Variants in APOB observed in about 807,000 individuals in gnomAD.
The protein encoded by APOB is apolipoprotein B.
A neutral mutation model predicts 314.1 loss-of-function variants in APOB; 153 were observed. The ratio of observed to expected loss-of-function variants is 0.49; its 90% CI spans 0.43 to 0.56. The LOEUF (loss-of-function observed/expected upper bound fraction) is 0.56. Ranked by LOEUF, APOB falls within the 20% of genes least tolerant of loss-of-function variation. The pLI is 0.00. For missense variants in APOB, 5,430 were observed against 5,350.7 expected, an observed-to-expected ratio of 1.01 and a Z score of -0.46; for synonymous variants, 2,087 against 2,036.4, an observed-to-expected ratio of 1.02 and a Z score of -0.67.
chr2:21,043,425 C>A, intron 2 of APOB, 88 bp downstream of exon 2: 1 of 1,462,926 alleles, frequency 6.8e-7, no homozygotes, highest in African/African-American at 1.4e-5. Flanking sequence ...CATCTCAGCC[C>A]TGTAGAGTGG....
rs1663332510 is a variant in APOB, at chr2:21,011,869, G to A, written c.4999C>T (p.Leu1667=). The A allele has an allele frequency of 6.2e-7, 1 of 1,613,820 alleles. No individual in the cohort carries two copies. Among genetic ancestry groups the A allele is most frequent in the Non-Finnish European group, 8.5e-7 (1 of 1,179,974 alleles). The stretch of plus-strand genomic sequence containing the variant: ...AGCTCTGCATTCAGCTCATTCTCCA[G>A]CACCAGGAGACTACACTTCAAGTTG... ...TTNLKCSLLV[L]ENELNAELGL... is the part of the protein sequence containing the mutation. The change falls in exon 26 of 29, where the codon CTG becomes TTG. Residue 1667 remains leucine, a synonymous_variant. Coordinates refer to ENST00000233242, the MANE Select transcript of APOB (RefSeq NM_000384.3).
chr2:21,022,102 T>C (rs2103369325), intron 18 of APOB, among the ~76,000 whole-genome samples: 1 of 152,280 alleles, frequency 6.6e-6, no homozygotes, highest in Middle Eastern at 3.4e-3. Flanking sequence ...GCTACAGGCA[T>C]GTGCCACCAC....
chr2:21,023,553 T>TTGGCTCCGGGAGCAA lies in APOB; in HGVS notation c.2561_2575dup (p.Ile854_Ala858dup). 1 of 1,614,162 alleles carries TTGGCTCCGGGAGCAA rather than the reference T, an allele frequency of 6.2e-7. No individual in the cohort carries two copies. Among genetic ancestry groups the TTGGCTCCGGGAGCAA allele is most frequent in the Non-Finnish European group, 8.5e-7 (1 of 1,180,008 alleles). ...GGCTACTTCCAGTTTTACTCCAGCC[T>TTGGCTCCGGGAGCAA]TGGCTCCGGGAGCAATGACTCCAGA... On this transcript the variant is annotated inframe_insertion, in exon 17 of 29. Coordinates refer to ENST00000233242, the MANE Select transcript of APOB (RefSeq NM_000384.3).
At chr2:21,032,651 G>T in intron 9 of APOB, 70 bp from the exon 10 acceptor site, 2 of 1,258,748 alleles carry the variant, frequency 1.6e-6, no homozygotes. Context: ...CTCATGGTGT[G>T]TCCTCTGCCA....
In APOB at chr2:21,043,500, G is replaced by T. The variant is rs777870177; in HGVS notation, c.121+13C>A. ...CTGGGCGCCCTTCCACGCCCCATGC[G>T]CAGATGCCTTACTTGGACAGACCAG... On this transcript the variant is annotated intron_variant, in intron 2 of 28. Coordinates refer to ENST00000233242, the MANE Select transcript of APOB (RefSeq NM_000384.3). 9 of 1,600,092 alleles carry T rather than the reference G, an allele frequency of 5.6e-6. No homozygotes were observed. Among genetic ancestry groups the T allele is most frequent in the Non-Finnish European group, 6.8e-6 (8 of 1,173,430 alleles).
chr2:21,026,265 T>A (rs79974378), intron 15 of APOB, among the ~76,000 whole-genome samples: 1 of 151,608 alleles, frequency 6.6e-6, no homozygotes, highest in African/African-American at 2.4e-5. Context: ...TTTTTTTTTT[T>A]AAGATACAGT....
At chr2:21,036,823 AT>A (rs1664013664) in intron 6 of APOB, among the ~76,000 whole-genome samples, 1 of 152,092 alleles carries the variant, frequency 6.6e-6, no homozygotes, top group African/African-American at 2.4e-5. Flanking sequence ...AAGTGATGAG[AT>A]TAGAGGCAGT....
Position 21,012,336 on chromosome 2 carries a change from G to A in APOB, c.4532C>T (p.Thr1511Ile), listed in dbSNP as rs146247063. 545 of 1,614,058 alleles carry A rather than the reference G, an allele frequency of 3.4e-4. No individual in the cohort carries two copies. The highest frequency in any genetic ancestry group is 4.0e-4 in the Non-Finnish European group (477 of 1,180,044). The change falls in exon 26 of 29, where the codon ACT becomes ATT. Residue 1511 changes from threonine to isoleucine, a missense_variant. Transcript: ENST00000233242. ...GTTGGACTCTCCATTGAGCCGGCCAGTGTTAGGATCCCTCTGACAAGACAG... is the reference window on the plus strand; with the variant it reads ...GTTGGACTCTCCATTGAGCCGGCCAATGTTAGGATCCCTCTGACAAGACAG... ...YGLSCQRDPN[T>I]GRLNGESNLR...
chr2:21,011,741 T>G lies in APOB; in HGVS notation c.5127A>C (p.Ser1709=). 6.2e-7 allele frequency: 1 copy of G among 1,614,162 alleles called. No homozygotes were observed. The change falls in exon 26 of 29, where the codon TCA becomes TCC. Residue 1709 remains serine, a synonymous_variant. Coordinates refer to ENST00000233242, the MANE Select transcript of APOB (RefSeq NM_000384.3). The part of the protein sequence containing the change: ...LDGKAALTEL[S]LGSAYQAMIL... ...TCATGGCCTGATAAGCACTTCCCAG[T>G]GATAGCTCTGTGAGGGCGGCTTTCC...
In APOB at chr2:21,033,475, T is replaced by C; in HGVS notation, c.948A>G (p.Thr316=). The C allele has an allele frequency of 6.2e-7, 1 of 1,614,168 alleles. No individual in the cohort carries two copies. Residue 316 remains threonine, a synonymous_variant, in exon 9 of 29, where the codon ACA becomes ACG. Transcript: ENST00000233242. ...MGLAFESTKS[T]SPPKQAEAVL... ...CAGCTTCGGCCTGCTTTGGAGGTGA[T>C]GTGGATTTGGTGCTCTCAAATGCGA...
chr2:21,042,264 A>T, intron 3 of APOB, 97 bp downstream of exon 3: 1 of 884,724 alleles, frequency 1.1e-6, no homozygotes, highest in Non-Finnish European at 1.9e-6. Context: ...TTTGCTCAGT[A>T]CACACCCTCC....
rs1350273776 is a variant in APOB at position 21,035,684 on chromosome 2, T to C, written c.718A>G (p.Ser240Gly). Residue 240 changes from serine to glycine, a missense_variant, in exon 7 of 29, where the codon AGC becomes GGC. This residue lies in a region of APOB where 2,085 missense variants were observed against 2,079.7 expected (regional missense o/e 1.00). Coordinates refer to ENST00000233242, the MANE Select transcript of APOB (RefSeq NM_000384.3). The part of the protein sequence containing the change: ...GMTRPLSTLI[S>G]SSQSCQYTLD... ...GTGTACTGACAGGACTGGCTGCTGC[T>C]GATCAGAGTTGACAAGGGGCGGGTC... 2 of 1,614,104 alleles carry C rather than the reference T, an allele frequency of 1.2e-6. No individual in the cohort carries two copies. The highest frequency in any genetic ancestry group is 1.7e-6 in the Non-Finnish European group (2 of 1,180,026).
chr2:21,032,609 T>C, intron 9 of APOB, 28 bp from the exon 10 acceptor site: 1 of 1,563,188 alleles, frequency 6.4e-7, no homozygotes, highest in East Asian at 2.2e-5. Flanking sequence ...GATAAAGTTA[T>C]ACAGACCACC....
chr2:21,003,075 T>C lies in APOB; in HGVS notation c.12347A>G (p.Tyr4116Cys), dbSNP rs1261897843. ...RNLQNNAEWV[Y>C]QGAIRQIDDI... Reference sequence around the variant, plus strand: ...ATCAATTTGCCTAATGGCCCCTTGATAAACCCACTCAGCATTGTTCTGCAG... The same window carrying C: ...ATCAATTTGCCTAATGGCCCCTTGACAAACCCACTCAGCATTGTTCTGCAG... The change falls in exon 29 of 29, where the codon TAT (tyrosine) becomes TGT (cysteine). Residue 4116 changes from tyrosine to cysteine, a missense_variant. Tyr to Cys is a radical substitution (Grantham distance 194). Around this residue, in one of 3 missense-constraint regions of APOB, gnomAD observed 3,281 missense variants for 3,171.0 expected, o/e 1.03. Transcript: ENST00000233242. 6.3e-7 allele frequency: 1 copy of C among 1,578,886 alleles called. No individual in the cohort carries two copies. Among genetic ancestry groups the C allele is most frequent in the African/African-American group, 1.4e-5 (1 of 73,662 alleles).
Position 21,006,629 on chromosome 2 carries a change from A to G in APOB, c.10239T>C (p.Thr3413=). The change falls in exon 26 of 29, where the codon ACT becomes ACC. Residue 3413 remains threonine (T), a synonymous_variant. Coordinates refer to ENST00000233242, the MANE Select transcript of APOB (RefSeq NM_000384.3). The stretch of plus-strand genomic sequence containing the variant: ...CCATATTTTTCGTGGTTAAGCTCAC[A>G]GTACTGTTATGACTACCCTCCACAA... ...NKFVEGSHNS[T]VSLTTKNMEV... is the part of the protein sequence containing the mutation. 6.2e-7 allele frequency: 1 copy of G among 1,614,086 alleles called. No homozygotes were observed. Among genetic ancestry groups the G allele is most frequent in the Non-Finnish European group, 8.5e-7 (1 of 1,179,964 alleles).
At chr2:21,024,907 G>T (rs749411569) in intron 16 of APOB, 26 bp downstream of exon 16, 1 of 1,612,874 alleles carries the variant, frequency 6.2e-7, no homozygotes, top group Non-Finnish European at 8.5e-7. Flanking sequence ...GGTCTCATGG[G>T]CCCCCAGTGG....
intron 5 of APOB, among the ~76,000 whole-genome samples, chr2:21,037,729 G>A (rs550619): frequency 0.87 from 131,659 of 152,132 alleles, 57,261 homozygotes; most frequent in East Asian, 0.96. Context: ...ACTCCTCAAT[G>A]ACTGTTTTAA....
intron 21 of APOB, 66 bp from the exon 22 acceptor site, chr2:21,015,611 A>AC: frequency 6.5e-7 from 1 of 1,547,098 alleles, no homozygotes; most frequent in Non-Finnish European, 8.8e-7. Flanking sequence ...GCAGGATTAA[A>AC]CAGAAGTTCC....
In APOB at chr2:21,009,502, C is replaced by A; in HGVS notation, c.7366G>T (p.Ala2456Ser). The part of the protein sequence containing the change: ...VTQRLNGEIQ[A>S]LELPQKAEAL... ...TCAGCTTTTTGTGGTAGTTCCAGAG[C>A]CTGAATTTCACCATTGAGTCTCTGA... The change falls in exon 26 of 29, where the codon GCT becomes TCT. Residue 2456 changes from alanine (A) to serine (S), a missense_variant. This residue lies in a region of APOB where 3,281 missense variants were observed against 3,171.0 expected (regional missense o/e 1.03). Coordinates refer to ENST00000233242, the MANE Select transcript of APOB (RefSeq NM_000384.3). The A allele has an allele frequency of 6.2e-7, 1 of 1,614,024 alleles. No individual in the cohort carries two copies. Among genetic ancestry groups the A allele is most frequent in the Non-Finnish European group, 8.5e-7 (1 of 1,179,976 alleles).
Sources: gnomAD v4.1 joint callset for allele counts (sites outside exome capture counted in the v4.1 genomes callset) on GRCh38, gnomAD v4.1.1 for gene constraint, gnomAD v4.1.1 regional missense constraint, MANE v1.5 for transcripts, NCBI Gene and HGNC (gene_info 2026-07-23, HGNC 2026-07-21) for gene names.